The following CDH20 variants were observed in gnomAD, a reference collection of about 807,000 sequenced individuals.
The protein encoded by CDH20 is cadherin-20.
In CDH20, 29 loss-of-function variants were observed where a neutral mutation model predicts 74.2. That is an observed-to-expected ratio of 0.39 (90% confidence interval 0.29 to 0.53). CDH20 has a LOEUF of 0.53. CDH20 is among the 20% of genes least tolerant of loss of function. CDH20 has a pLI of 0.69. For missense variants in CDH20, 988 were observed against 1,048.3 expected (o/e 0.94, Z 0.79); for synonymous variants, 469 against 405.4 (o/e 1.16, Z -1.88).
chr18:61,347,319 TACACACACACAC>T (rs33985303), intron 1 of CDH20, among the ~76,000 whole-genome samples: 94 of 77,386 alleles, frequency 1.2e-3, no homozygotes, highest in African/African-American at 5.1e-3. Flanking sequence ...TATATATATA[TACACACACACAC>T]ACACACACAC....
intron 1 of CDH20, among the ~76,000 whole-genome samples, chr18:61,472,469 C>T (rs17068340): frequency 6.6e-6 from 1 of 152,246 alleles, no homozygotes; most frequent in East Asian, 1.9e-4. Flanking sequence ...TCCTGACATA[C>T]AGTGGGAGCT....
chr18:61,551,473 G>C (rs1396757947), intron 11 of CDH20, among the ~76,000 whole-genome samples: 2 of 152,122 alleles, frequency 1.3e-5, no homozygotes, highest in Non-Finnish European at 2.9e-5. Context: ...GTCAACACTT[G>C]ATTTTCTAGG....
At position 61,528,015 on chromosome 18, in the gene CDH20, G is replaced by A. The variant is rs1261277543; in HGVS notation, c.1066G>A (p.Ala356Thr). 1 of 1,614,018 alleles carries A rather than the reference G, an allele frequency of 6.2e-7. No homozygotes were observed. The highest frequency in any genetic ancestry group is 1.7e-5 in the Admixed American group (1 of 60,008). Reference protein sequence around the residue: ...KKSYTLKVEGANPHLEMRFLN... With the variant: ...KKSYTLKVEGTNPHLEMRFLN... ...AAGCTACACCTTAAAGGTGGAGGGA[G>A]CCAATCCTCACCTAGAGATGCGTTT... Residue 356 changes from alanine (A) to threonine (T), a missense_variant, in exon 7 of 12, where the codon GCC becomes ACC. Ala to Thr is a moderately conservative substitution (Grantham distance 58, BLOSUM62 0). Around this residue, in one of 2 missense-constraint regions of CDH20, gnomAD observed 613 missense variants for 755.2 expected, o/e 0.81. Coordinates refer to ENST00000262717, the MANE Select transcript of CDH20 (RefSeq NM_031891.4).
intron 1 of CDH20, among the ~76,000 whole-genome samples, chr18:61,377,488 C>A (rs1253646530): frequency 6.8e-6 from 1 of 147,716 alleles, no homozygotes; most frequent in Non-Finnish European, 1.5e-5. Flanking sequence ...GCCTCTTAGC[C>A]TTCCTTCAGA....
At chr18:61,394,048 T>G (rs1380115106) in intron 1 of CDH20, among the ~76,000 whole-genome samples, 1 of 152,134 alleles carries the variant, frequency 6.6e-6, no homozygotes, top group Non-Finnish European at 1.5e-5. Context: ...CTGACTTGTG[T>G]TTTAGGCATC....
intron 1 of CDH20, among the ~76,000 whole-genome samples, chr18:61,339,308 C>T (rs954527580): frequency 6.6e-6 from 1 of 151,454 alleles, no homozygotes; most frequent in African/African-American, 2.4e-5. Context: ...TCTTTAAGTA[C>T]TGAGTCTTTT....
At chr18:61,437,232 C>A (rs1040011377) in intron 1 of CDH20, among the ~76,000 whole-genome samples, 1 of 152,154 alleles carries the variant, frequency 6.6e-6, no homozygotes, top group Non-Finnish European at 1.5e-5. Flanking sequence ...TTTATAGGTT[C>A]TTCCCACTTG....
chr18:61,466,696 A>T (rs1195941519), intron 1 of CDH20, among the ~76,000 whole-genome samples: 2 of 152,152 alleles, frequency 1.3e-5, no homozygotes, highest in African/African-American at 4.8e-5. Context: ...CCTCCTAGTA[A>T]AGTTTAGGTC....
Position 61,538,584 on chromosome 18 carries a change from G to GTTTTTTTTTTTTTTTTTTTTTTTTTT in CDH20, c.1409-437_1409-436insTTTTTTTTTTTTTTTTTTTTTTTTTT, listed in dbSNP as rs1568182044. Among the ~76,000 whole-genome samples, 3 of 55,846 alleles carry GTTTTTTTTTTTTTTTTTTTTTTTTTT rather than the reference G, an allele frequency of 5.4e-5. 1 individual carries two copies. Among genetic ancestry groups the GTTTTTTTTTTTTTTTTTTTTTTTTTT allele is most frequent in the African/African-American group, 7.4e-5 (1 of 13,588 alleles). The allele number at this position is 55,846 out of a possible 152,430, so 36.6% of individuals were successfully genotyped here. A position where few individuals can be genotyped will look rare whatever the true frequency, so the allele number is the denominator to read the frequency against. On this transcript the variant is annotated intron_variant, in intron 8 of 11. Transcript: ENST00000262717. ...CTCACCAAGTAAATAACTACTTTTT[G>GTTTTTTTTTTTTTTTTTTTTTTTTTT]TTTGTTTGTTTGTTTTTGTTTTTGT...
chr18:61,453,423 G>A (rs548933367), intron 1 of CDH20, among the ~76,000 whole-genome samples: 177 of 152,174 alleles, frequency 1.2e-3, no homozygotes, highest in African/African-American at 3.9e-3. Context: ...GATTATAGGC[G>A]TGTGCCACCG....
intron 1 of CDH20, among the ~76,000 whole-genome samples, chr18:61,379,074 T>G (rs1347456285): frequency 1.3e-5 from 2 of 152,082 alleles, no homozygotes; most frequent in Non-Finnish European, 2.9e-5. Context: ...TACAATTAGG[T>G]TTTTCCCCTT....
intron 9 of CDH20, among the ~76,000 whole-genome samples, 174 bp from the exon 10 acceptor site, chr18:61,544,853 A>G (rs371913845): frequency 1.2e-3 from 176 of 152,232 alleles, no homozygotes; most frequent in African/African-American, 3.7e-3. Flanking sequence ...TGGAGCCCTC[A>G]CCAGGAACCC....
rs1274926865 is a variant in CDH20 at position 61,500,713 on chromosome 18, G to A, written c.661+211G>A. 2.0e-5 allele frequency among the ~76,000 whole-genome samples: 3 copies of A among 151,844 alleles called. No individual in the cohort carries two copies. In the South Asian group the frequency reaches 6.3e-4, roughly 32 times the overall value. On this transcript the variant is annotated intron_variant, in intron 4 of 11. Transcript: ENST00000262717. ...CATAGACAGTGAGCAGTGTCTGATT[G>A]GAGAGGCAAAAAGCCCCTCTGCGCA...
intron 5 of CDH20, among the ~76,000 whole-genome samples, chr18:61,503,772 A>G (rs569094316): frequency 6.6e-6 from 1 of 152,362 alleles, no homozygotes; most frequent in East Asian, 1.9e-4. Context: ...CCACTTGAAC[A>G]GTGCAAGATG....
In CDH20 at chr18:61,337,611, A is replaced by AT. The variant is rs772432189; in HGVS notation, c.-153+3788dup. Reference sequence around the variant, plus strand: ...ACTAATTTAGTGACCAAGAAAACATATTTTATGTAATAAAGGTGGTTTTAA... The same window carrying AT: ...ACTAATTTAGTGACCAAGAAAACATATTTTTATGTAATAAAGGTGGTTTTAA... On this transcript the variant is annotated intron_variant, in intron 1 of 11. Coordinates refer to ENST00000262717, the MANE Select transcript of CDH20 (RefSeq NM_031891.4). Among the ~76,000 whole-genome samples, 40 of 152,332 alleles carry AT rather than the reference A, an allele frequency of 2.6e-4. No homozygotes were observed. The East Asian group carries it at 7.7e-3, about 29-fold the overall frequency.
chr18:61,453,011 C>G (rs752054403), intron 1 of CDH20, among the ~76,000 whole-genome samples: 12 of 152,154 alleles, frequency 7.9e-5, no homozygotes, highest in Non-Finnish European at 1.6e-4. Context: ...CCTGACTACC[C>G]TTTACCCCGT....
chr18:61,400,846 A>G (rs144342835), intron 1 of CDH20, among the ~76,000 whole-genome samples: 263 of 152,302 alleles, frequency 1.7e-3, no homozygotes, highest in African/African-American at 5.8e-3. Flanking sequence ...TGGTGTCCCA[A>G]TAGTATTCGA....
chr18:61,538,940 C>A, intron 8 of CDH20, 84 bp from the exon 9 acceptor site: 5 of 1,517,044 alleles, frequency 3.3e-6, no homozygotes, highest in Non-Finnish European at 4.5e-6. Context: ...TCGTAAATAC[C>A]GACTTCTAGC....
At chr18:61,411,117 G>A (rs917939168) in intron 1 of CDH20, among the ~76,000 whole-genome samples, 6 of 151,894 alleles carry the variant, frequency 4.0e-5, no homozygotes, top group African/African-American at 7.2e-5. Flanking sequence ...GGAGAATGGC[G>A]TGAACCGGAA....
Sources: allele counts gnomAD v4.1 joint callset (sites outside exome capture counted in the v4.1 genomes callset), GRCh38; gene constraint gnomAD v4.1.1; regional missense constraint gnomAD v4.1.1; transcripts MANE v1.5; gene names NCBI Gene and HGNC (gene_info 2026-07-23, HGNC 2026-07-21).